The following TMEM132C variants were observed in gnomAD, a reference collection of about 807,000 sequenced individuals.
The protein encoded by TMEM132C is protein phosphatase 1, regulatory subunit 152.
In TMEM132C, 29 loss-of-function variants were observed where a neutral mutation model predicts 61.4. The observed-to-expected ratio is 0.47, with a 90% CI of 0.35 to 0.64. TMEM132C has a LOEUF of 0.64. Among genes scored for constraint, TMEM132C ranks in the 30% least tolerant of loss-of-function variants. The pLI, the probability that TMEM132C is intolerant of heterozygous loss-of-function variation, is 0.00. For synonymous variants in TMEM132C, 656 were observed against 633.1 expected (o/e 1.04, Z -0.54); for missense variants, 1,408 against 1,476.9 (o/e 0.95, Z 0.76).
chr12:128,299,062 G>T (rs182912389), intron 1 of TMEM132C, among the ~76,000 whole-genome samples: 9 of 152,282 alleles, frequency 5.9e-5, no homozygotes, highest in Admixed American at 1.3e-4. Context: ...CCTCACGGTG[G>T]CTTACGGTAG....
intron 3 of TMEM132C, among the ~76,000 whole-genome samples, chr12:128,583,849 G>A (rs1397207285): frequency 4.6e-5 from 7 of 152,218 alleles, no homozygotes; most frequent in Admixed American, 2.6e-4. Context: ...GTCTTCATCC[G>A]TGGTTTCACT....
At chr12:128,387,950 G>A (rs1223192969) in intron 1 of TMEM132C, among the ~76,000 whole-genome samples, 2 of 152,196 alleles carry the variant, frequency 1.3e-5, no homozygotes, top group African/African-American at 2.4e-5. Flanking sequence ...AGCCGTGCCC[G>A]GCCGTCACCT....
intron 1 of TMEM132C, among the ~76,000 whole-genome samples, chr12:128,377,811 A>C (rs908258475): frequency 1.3e-5 from 2 of 152,222 alleles, no homozygotes; most frequent in African/African-American, 4.8e-5. Flanking sequence ...CGACTTGTAG[A>C]TCTGCGGACT....
At chr12:128,665,225 A>G (rs1317199746) in intron 4 of TMEM132C, among the ~76,000 whole-genome samples, 1 of 150,686 alleles carries the variant, frequency 6.6e-6, no homozygotes, top group African/African-American at 2.4e-5. Context: ...ACTCATACCT[A>G]TACACACAGG....
At chr12:128,400,599 GTT>G (rs5801795) in intron 1 of TMEM132C, among the ~76,000 whole-genome samples, 51,329 of 140,742 alleles carry the variant, frequency 0.36, 9,668 homozygotes, top group East Asian at 0.48. Context: ...CCATTCTTTT[GTT>G]TTTTTTTTTT....
chr12:128,369,548 T>C (rs542436802), intron 1 of TMEM132C, among the ~76,000 whole-genome samples: 1 of 152,354 alleles, frequency 6.6e-6, no homozygotes, highest in East Asian at 1.9e-4. Context: ...GCTGTTTAAC[T>C]GGGTACAGCA....
chr12:128,382,556 GT>G (rs1219046236), intron 1 of TMEM132C, among the ~76,000 whole-genome samples: 15 of 152,148 alleles, frequency 9.9e-5, no homozygotes, highest in Admixed American at 4.6e-4. Flanking sequence ...TCTTTTTATT[GT>G]TTTTTTATGA....
chr12:128,399,424 C>T (rs1019403103), intron 1 of TMEM132C, among the ~76,000 whole-genome samples: 4 of 152,246 alleles, frequency 2.6e-5, no homozygotes, highest in South Asian at 2.1e-4. Context: ...ATAGATACAG[C>T]GAAACATTCT....
At chr12:128,268,227 G>A (rs1870382014) in intron 1 of TMEM132C, among the ~76,000 whole-genome samples, 1 of 152,230 alleles carries the variant, frequency 6.6e-6, no homozygotes. Context: ...CAATGGGAGT[G>A]ACGGCCCTGC....
At chr12:128,465,834 T>C (rs1416044190) in intron 2 of TMEM132C, among the ~76,000 whole-genome samples, 1 of 152,130 alleles carries the variant, frequency 6.6e-6, no homozygotes, top group Non-Finnish European at 1.5e-5. Flanking sequence ...CACCGGGTGC[T>C]CAGTTAGCCG....
chr12:128,347,131 G>C (rs748632085), intron 1 of TMEM132C, among the ~76,000 whole-genome samples: 1 of 151,954 alleles, frequency 6.6e-6, no homozygotes, highest in African/African-American at 2.4e-5. Flanking sequence ...TTATGTCCTG[G>C]CATCTTCATA....
chr12:128,471,066 T>C (rs983260337), intron 2 of TMEM132C, among the ~76,000 whole-genome samples: 2 of 152,192 alleles, frequency 1.3e-5, no homozygotes, highest in Non-Finnish European at 2.9e-5. Flanking sequence ...GGTGAGGTGC[T>C]CTCCTGTGTA....
At chr12:128,488,461 G>A (rs1457554574) in intron 2 of TMEM132C, among the ~76,000 whole-genome samples, 1 of 152,164 alleles carries the variant, frequency 6.6e-6, no homozygotes, top group Non-Finnish European at 1.5e-5. Flanking sequence ...GGGAGTTCAA[G>A]ACCAGCCTGG....
At chr12:128,684,003 T>TAAAG (rs1228978872) in intron 5 of TMEM132C, among the ~76,000 whole-genome samples, 2 of 116,700 alleles carry the variant, frequency 1.7e-5, no homozygotes, top group African/African-American at 3.3e-5. Context: ...AATAAATAAA[T>TAAAG]AAATAAATGT....
At chr12:128,497,511 TA>T (rs1302801426) in intron 2 of TMEM132C, among the ~76,000 whole-genome samples, 2 of 152,314 alleles carry the variant, frequency 1.3e-5, no homozygotes, top group East Asian at 3.9e-4. Flanking sequence ...TTTGTTTACC[TA>T]GTTAAGCCTC....
At chr12:128,685,939 T>C (rs924830664) in intron 5 of TMEM132C, among the ~76,000 whole-genome samples, 2 of 152,226 alleles carry the variant, frequency 1.3e-5, no homozygotes, top group East Asian at 3.8e-4. Context: ...GGTGCCTGGA[T>C]AACTGTGGCC....
chr12:128,349,918 T>TACACAC (rs56323654), intron 1 of TMEM132C, among the ~76,000 whole-genome samples: 17 of 149,688 alleles, frequency 1.1e-4, no homozygotes, highest in African/African-American at 4.2e-4. Flanking sequence ...ACACGTACCG[T>TACACAC]ACACACACAC....
chr12:128,338,199 T>C (rs149213108), intron 1 of TMEM132C, among the ~76,000 whole-genome samples: 87 of 152,218 alleles, frequency 5.7e-4, no homozygotes, highest in Non-Finnish European at 7.9e-4. Context: ...GGTAGACCAA[T>C]GTCGTGAAGC....
intron 1 of TMEM132C, among the ~76,000 whole-genome samples, chr12:128,368,217 C>A (rs1370487176): frequency 6.6e-6 from 1 of 152,230 alleles, no homozygotes; most frequent in Non-Finnish European, 1.5e-5. Flanking sequence ...GTCTGCATAG[C>A]AGCTTGCAGC....
Sources: allele counts gnomAD v4.1 joint callset (sites outside exome capture counted in the v4.1 genomes callset), GRCh38; gene constraint gnomAD v4.1.1; transcripts MANE v1.5; gene names NCBI Gene and HGNC (gene_info 2026-07-23, HGNC 2026-07-21).